Variants in METTL24 observed in about 807,000 individuals in gnomAD.
METTL24 encodes the protein probable methyltransferase-like protein 24.
METTL24 carries 29 observed loss-of-function variants against 32.7 expected under a neutral mutation model. That is an observed-to-expected ratio of 0.89 (90% CI 0.66 to 1.21). The LOEUF is 1.21. Ranked by LOEUF, METTL24 falls within the 50% of genes most tolerant of loss-of-function variation. The pLI is 0.00. For missense variants in METTL24, 439 were observed against 468.1 expected (o/e 0.94, Z 0.57); for synonymous variants, 163 against 179.5 (o/e 0.91, Z 0.73).
At chr6:110,315,579 G>A (rs1391372022) in intron 2 of METTL24, 98 bp from the exon 3 acceptor site, 1 of 1,342,090 alleles carries the variant, frequency 7.5e-7, no homozygotes, top group African/African-American at 1.4e-5. Context: ...ACCGTAATAG[G>A]AAAGTTATAA....
At chr6:110,286,617 AG>A (rs955343611) in intron 4 of METTL24, among the ~76,000 whole-genome samples, 3 of 152,190 alleles carry the variant, frequency 2.0e-5, no homozygotes, top group Non-Finnish European at 2.9e-5. Context: ...GCTTCTGCCC[AG>A]GGAAAATGGA....
chr6:110,246,279 A>G lies in METTL24; in HGVS notation c.787-19T>C, dbSNP rs1332520855. 6.3e-7 allele frequency: 1 copy of G among 1,575,244 alleles called. No individual in the cohort carries two copies. The highest frequency in any genetic ancestry group is 8.6e-7 in the Non-Finnish European group (1 of 1,158,016). ...CGTCAATCTGTAACAAAGCAATGAA[A>G]TGAGATTAGCAGATTTAGTAAAACT... On this transcript the variant is annotated intron_variant, in intron 4 of 4. Coordinates refer to ENST00000338882, the MANE Select transcript of METTL24 (RefSeq NM_001123364.3).
chr6:110,251,584 CTAAG>C (rs1342683971), intron 4 of METTL24, among the ~76,000 whole-genome samples: 2 of 152,132 alleles, frequency 1.3e-5, no homozygotes, highest in Non-Finnish European at 2.9e-5. Flanking sequence ...ATACATTAGA[CTAAG>C]TAATTTATAA....
At chr6:110,332,672 C>T (rs1223291805) in intron 1 of METTL24, 8 of 161,088 alleles carry the variant, frequency 5.0e-5, no homozygotes. Context: ...TTTTGGGAGG[C>T]TGAGGTGGGA....
intron 1 of METTL24, among the ~76,000 whole-genome samples, chr6:110,342,204 T>C (rs1389338886): frequency 6.6e-6 from 1 of 152,222 alleles, no homozygotes; most frequent in Non-Finnish European, 1.5e-5. Context: ...TGAGGCTCTC[T>C]CTGCTCTGGC....
At chr6:110,251,213 C>A (rs1778271875) in intron 4 of METTL24, among the ~76,000 whole-genome samples, 1 of 152,114 alleles carries the variant, frequency 6.6e-6, no homozygotes, top group Admixed American at 6.5e-5. Flanking sequence ...GCTAAATTTG[C>A]AAACAATTGA....
rs553632822 is a variant in METTL24, at chr6:110,329,513, G to A, written c.319-6641C>T. Among the ~76,000 whole-genome samples, 3 of 130,828 alleles carry A rather than the reference G, an allele frequency of 2.3e-5. No homozygotes were observed. The East Asian group carries it at 8.0e-4, about 35-fold the overall frequency. The allele number at this position is 130,828 out of a possible 152,430, so 85.8% of individuals were successfully genotyped here. A position where few individuals can be genotyped will look rare whatever the true frequency, so the allele number is the denominator to read the frequency against. On this transcript the variant is annotated intron_variant, in intron 1 of 4. Transcript: ENST00000338882. Reference sequence around the variant, plus strand: ...TCCTTTTTAGAGGGGGTGGGGGTGGGAGTAGTTGGGGGAGGGAGAGGCACA... The same window carrying A: ...TCCTTTTTAGAGGGGGTGGGGGTGGAAGTAGTTGGGGGAGGGAGAGGCACA...
chr6:110,264,260 G>C (rs1273677380), intron 4 of METTL24, among the ~76,000 whole-genome samples: 1 of 151,908 alleles, frequency 6.6e-6, no homozygotes, highest in Non-Finnish European at 1.5e-5. Context: ...ACAAAGAACT[G>C]AAATAAATTT....
At chr6:110,258,402 T>C (rs1778424207) in intron 4 of METTL24, among the ~76,000 whole-genome samples, 1 of 152,210 alleles carries the variant, frequency 6.6e-6, no homozygotes, top group Non-Finnish European at 1.5e-5. Flanking sequence ...AAAAGAGGTA[T>C]ATATTCCTTA....
At chr6:110,284,486 A>G (rs1480827879) in intron 4 of METTL24, among the ~76,000 whole-genome samples, 1 of 152,176 alleles carries the variant, frequency 6.6e-6, no homozygotes, top group Non-Finnish European at 1.5e-5. Context: ...TGGATGGATG[A>G]ATAGATGAAC....
At chr6:110,310,456 C>A (rs889966735) in intron 3 of METTL24, among the ~76,000 whole-genome samples, 1 of 152,122 alleles carries the variant, frequency 6.6e-6, no homozygotes, top group Non-Finnish European at 1.5e-5. Flanking sequence ...CCCTTCCCCA[C>A]TCCAGACATG....
chr6:110,264,770 C>T (rs1770820141), intron 4 of METTL24, among the ~76,000 whole-genome samples: 1 of 152,168 alleles, frequency 6.6e-6, no homozygotes, highest in South Asian at 2.1e-4. Context: ...AGCACATATA[C>T]ACCATGGAAT....
intron 3 of METTL24, among the ~76,000 whole-genome samples, chr6:110,304,259 C>T (rs1449546859): frequency 1.3e-5 from 2 of 152,180 alleles, no homozygotes; most frequent in East Asian, 3.9e-4. Flanking sequence ...AACACCTCTT[C>T]TCCTCCAAAG....
At chr6:110,354,653 G>T (rs1772668285) in intron 1 of METTL24, among the ~76,000 whole-genome samples, 1 of 152,192 alleles carries the variant, frequency 6.6e-6, no homozygotes, top group African/African-American at 2.4e-5. Flanking sequence ...GTCTTGATGT[G>T]AGGCAGAAAA....
intron 3 of METTL24, among the ~76,000 whole-genome samples, chr6:110,312,750 T>C (rs574259491): frequency 6.6e-5 from 10 of 152,080 alleles, no homozygotes; most frequent in Non-Finnish European, 1.2e-4. Flanking sequence ...AAACATACAG[T>C]TAGATAAAAG....
chr6:110,264,038 T>C (rs994397016), intron 4 of METTL24, among the ~76,000 whole-genome samples: 12 of 152,034 alleles, frequency 7.9e-5, no homozygotes, highest in Non-Finnish European at 1.8e-4. Flanking sequence ...ACCTAGGCAA[T>C]ACCATTCAGG....
At chr6:110,281,074 T>C (rs1284893605) in intron 4 of METTL24, among the ~76,000 whole-genome samples, 1 of 152,184 alleles carries the variant, frequency 6.6e-6, no homozygotes, top group Admixed American at 6.5e-5. Flanking sequence ...ATATGCCACT[T>C]ATGTGATTAA....
chr6:110,334,995 A>G (rs1772185062), intron 1 of METTL24, among the ~76,000 whole-genome samples: 1 of 152,322 alleles, frequency 6.6e-6, no homozygotes, highest in African/African-American at 2.4e-5. Flanking sequence ...GCCACATAAA[A>G]GCTTCTTTTG....
chr6:110,342,126 T>A (rs1772370596), intron 1 of METTL24, among the ~76,000 whole-genome samples: 1 of 152,224 alleles, frequency 6.6e-6, no homozygotes, highest in African/African-American at 2.4e-5. Context: ...CCCCTGGTGG[T>A]CAGTGTCAGT....
Sources: allele counts gnomAD v4.1 joint callset (sites outside exome capture counted in the v4.1 genomes callset), GRCh38; gene constraint gnomAD v4.1.1; transcripts MANE v1.5; gene names NCBI Gene and HGNC (gene_info 2026-07-23, HGNC 2026-07-21).